The following GRIK4 variants were observed in gnomAD, a reference collection of about 807,000 sequenced individuals.
GRIK4 encodes glutamate ionotropic receptor kainate type subunit 4, also known as glutamate receptor ionotropic, kainate 4.
Under a neutral mutation model 104.9 loss-of-function variants are expected in GRIK4, and 40 were observed. The ratio of observed to expected loss-of-function variants is 0.38; its 90% confidence interval spans 0.30 to 0.50. The LOEUF is 0.50. Ranked by LOEUF, GRIK4 falls within the 20% of genes least tolerant of loss-of-function variation. The pLI, the probability that GRIK4 is intolerant of heterozygous loss-of-function variation, is 0.93. For synonymous variants in GRIK4, 485 were observed against 524.9 expected (o/e 0.92, Z 1.04); for missense variants, 1,047 against 1,308.1 (o/e 0.80, Z 3.08).
At chr11:120,843,588 C>T (rs7115212) in intron 8 of GRIK4, among the ~76,000 whole-genome samples, 22 of 152,184 alleles carry the variant, frequency 1.4e-4, no homozygotes, top group Admixed American at 9.2e-4. Context: ...TTAAACCTCA[C>T]GACAACTCTA....
At chr11:120,841,077 T>C (rs1953701357) in intron 8 of GRIK4, among the ~76,000 whole-genome samples, 1 of 152,222 alleles carries the variant, frequency 6.6e-6, no homozygotes, top group Non-Finnish European at 1.5e-5. Context: ...TTGCATTTCT[T>C]TTTTTTAAGC....
chr11:120,928,388 G>T, intron 13 of GRIK4, among the ~76,000 whole-genome samples: 1 of 152,084 alleles, frequency 6.6e-6, no homozygotes, highest in East Asian at 1.9e-4. Context: ...ATCTTAAGAA[G>T]TATACATTAT....
intron 3 of GRIK4, among the ~76,000 whole-genome samples, chr11:120,676,466 T>C (rs1591794600): frequency 6.6e-6 from 1 of 152,218 alleles, no homozygotes. Flanking sequence ...CTCCAGGGCG[T>C]GGCCCTGGCT....
At chr11:120,922,031 C>T (rs1040270806) in intron 13 of GRIK4, among the ~76,000 whole-genome samples, 2 of 152,142 alleles carry the variant, frequency 1.3e-5, no homozygotes, top group Non-Finnish European at 2.9e-5. Flanking sequence ...ATCTGGACTT[C>T]GGAGCCACCT....
intron 1 of GRIK4, among the ~76,000 whole-genome samples, chr11:120,556,001 C>T (rs1157827292): frequency 6.6e-6 from 1 of 152,214 alleles, no homozygotes; most frequent in East Asian, 1.9e-4. Flanking sequence ...CAGTTCTTCT[C>T]ATGGAAATGC....
intron 1 of GRIK4, among the ~76,000 whole-genome samples, chr11:120,527,131 C>A (rs1207044218): frequency 6.6e-6 from 1 of 152,230 alleles, no homozygotes; most frequent in East Asian, 1.9e-4. Flanking sequence ...TCCTGGGGAA[C>A]CTGGAGGATG....
chr11:120,823,399 A>G (rs553637944), intron 6 of GRIK4, among the ~76,000 whole-genome samples: 57 of 152,336 alleles, frequency 3.7e-4, no homozygotes, highest in Middle Eastern at 3.4e-3. Flanking sequence ...TTGACATTCA[A>G]ACAGTTCCGT....
chr11:120,756,197 G>GAAT (rs1300567502), intron 3 of GRIK4, among the ~76,000 whole-genome samples: 1 of 152,146 alleles, frequency 6.6e-6, no homozygotes, highest in African/African-American at 2.4e-5. Context: ...CCACCCTTAG[G>GAAT]AATAATAGTC....
At chr11:120,938,198 T>C (rs1269193222) in intron 13 of GRIK4, among the ~76,000 whole-genome samples, 2 of 152,278 alleles carry the variant, frequency 1.3e-5, no homozygotes, top group East Asian at 1.9e-4. Flanking sequence ...GCCTCTGTTG[T>C]GGAGGGGCTG....
Position 120,898,571 on chromosome 11 carries a change from A to G in GRIK4, c.1204A>G (p.Ser402Gly), listed in dbSNP as rs1942647388. 1.9e-6 allele frequency: 3 copies of G among 1,612,550 alleles called. No homozygotes were observed. The highest frequency in any genetic ancestry group is 2.7e-5 in the African/African-American group (2 of 74,878). ...CGTGGCAGAGGGCCTCAGCATGGAC[A>G]GCCACCTCTATGCCTCCAACATCTC... Reference protein sequence around the residue: ...WHVAEGLSMDSHLYASNISDT... With the variant: ...WHVAEGLSMDGHLYASNISDT... The change falls in exon 12 of 21, where the codon AGC becomes GGC. Residue 402 changes from serine (S) to glycine (G), a missense_variant. Ser to Gly is a moderately conservative substitution (Grantham distance 56, BLOSUM62 0). Around this residue, in one of 3 missense-constraint regions of GRIK4, gnomAD observed 440 missense variants for 652.3 expected, o/e 0.67. Transcript: ENST00000527524.
chr11:120,890,222 T>TAGGCA (rs1476754238), intron 11 of GRIK4, among the ~76,000 whole-genome samples: 18 of 152,318 alleles, frequency 1.2e-4, no homozygotes, highest in African/African-American at 4.1e-4. Context: ...CGCTGTACTA[T>TAGGCA]GGGTAGGCAG....
At chr11:120,695,175 G>A (rs137936821) in intron 3 of GRIK4, among the ~76,000 whole-genome samples, 3 of 152,330 alleles carry the variant, frequency 2.0e-5, no homozygotes, top group African/African-American at 4.8e-5. Context: ...AGCATGGGGG[G>A]TGTTCATTCT....
At chr11:120,542,483 A>G (rs1404632211) in intron 1 of GRIK4, among the ~76,000 whole-genome samples, 1 of 152,256 alleles carries the variant, frequency 6.6e-6, no homozygotes, top group Admixed American at 6.5e-5. Context: ...AAGCTTCTGC[A>G]CAGCCAAGGG....
chr11:120,859,718 C>A (rs1382348210), intron 8 of GRIK4, among the ~76,000 whole-genome samples: 1 of 152,230 alleles, frequency 6.6e-6, no homozygotes, highest in Non-Finnish European at 1.5e-5. Context: ...CTACCGATAG[C>A]CCACAGCACA....
chr11:120,978,040 T>C (rs893103779), intron 19 of GRIK4, among the ~76,000 whole-genome samples: 3 of 152,226 alleles, frequency 2.0e-5, no homozygotes, highest in African/African-American at 7.2e-5. Flanking sequence ...TAAAAAGGAA[T>C]ACATATGGGT....
At chr11:120,883,297 AAAGCTACTGTTCACC>A (rs1469941573) in intron 11 of GRIK4, among the ~76,000 whole-genome samples, 1 of 152,170 alleles carries the variant, frequency 6.6e-6, no homozygotes, top group African/African-American at 2.4e-5. Flanking sequence ...AGAGTTCTCT[AAAGCTACTGTTCACC>A]AAGTTGTTCA....
intron 19 of GRIK4, among the ~76,000 whole-genome samples, chr11:120,979,931 TTC>T (rs1944623431): frequency 6.6e-6 from 1 of 151,946 alleles, no homozygotes; most frequent in Admixed American, 6.6e-5. Context: ...ACCTCTTGGG[TTC>T]GAGTGATTCT....
chr11:120,688,570 C>T (rs992780597), intron 3 of GRIK4, among the ~76,000 whole-genome samples: 1 of 152,094 alleles, frequency 6.6e-6, no homozygotes, highest in Non-Finnish European at 1.5e-5. Flanking sequence ...CAGGAGGCCT[C>T]GATACTTCAT....
chr11:120,944,579 C>A (rs1232402130), intron 14 of GRIK4, among the ~76,000 whole-genome samples: 1 of 152,210 alleles, frequency 6.6e-6, no homozygotes, highest in African/African-American at 2.4e-5. Flanking sequence ...CCAAAGAGTT[C>A]TCAAATATAC....
Sources: allele counts gnomAD v4.1 joint callset (sites outside exome capture counted in the v4.1 genomes callset), GRCh38; gene constraint gnomAD v4.1.1; regional missense constraint gnomAD v4.1.1; transcripts MANE v1.5; gene names NCBI Gene and HGNC (gene_info 2026-07-23, HGNC 2026-07-21).